The following BCAM variants were observed in gnomAD, a reference collection of about 807,000 sequenced individuals.
BCAM encodes the protein basal cell adhesion molecule (Lutheran blood group).
In BCAM, 61 loss-of-function variants were observed where a neutral mutation model predicts 72.4. The observed-to-expected ratio is 0.84, with a 90% CI of 0.69 to 1.04. BCAM has a LOEUF of 1.04. Among genes scored for constraint, BCAM ranks in the 50% least tolerant of loss-of-function variants. The probability of loss-of-function intolerance (pLI) is 0.00; values close to 1 mark genes in which losing one functional copy is unlikely to be tolerated. For synonymous variants in BCAM, 408 were observed against 384.2 expected, an observed-to-expected ratio of 1.06 and a Z score of -0.73; for missense variants, 909 against 895.0, an observed-to-expected ratio of 1.02 and a Z score of -0.20.
rs1167218041 is a variant in BCAM at position 44,813,416 on chromosome 19, C to T, written c.602-22C>T. 3.7e-6 allele frequency: 6 copies of T among 1,607,400 alleles called. No homozygotes were observed. Among genetic ancestry groups the T allele is most frequent in the Non-Finnish European group, 5.1e-6 (6 of 1,176,756 alleles). ...GCGGGGCTATGGCCTGGCTGACTGC[C>T]ACCTCCCCCGATCTCTCCCAGAGGG... On this transcript the variant is annotated intron_variant, in intron 5 of 14. Coordinates refer to ENST00000270233, the MANE Select transcript of BCAM (RefSeq NM_005581.5). This position sits in a 1 kb window ranked among gnomAD's most constrained non-coding sequence, Gnocchi z 4.2.
Position 44,812,548 on chromosome 19 carries a change from G to A in BCAM, c.504G>A (p.Glu168=). The A allele has an allele frequency of 6.2e-7, 1 of 1,614,162 alleles. No individual in the cohort carries two copies. Among genetic ancestry groups the A allele is most frequent in the Non-Finnish European group, 8.5e-7 (1 of 1,179,992 alleles). ...TLSVMEDSAQ[E]IATCNSRNGN... ...CTGTGATGGAGGACTCTGCCCAGGA[G>A]GTACCTCTCGGGTGGACCTTGGCCC... The change falls in exon 4 of 15, where the codon GAG becomes GAA. Residue 168 remains glutamate, a splice_region_variant and synonymous_variant. Coordinates refer to ENST00000270233, the MANE Select transcript of BCAM (RefSeq NM_005581.5). This position sits in a 1 kb window ranked among gnomAD's most constrained non-coding sequence, Gnocchi z 5.3.
chr19:44,819,262 C>T lies in BCAM; in HGVS notation c.1473+70C>T. On this transcript the variant is annotated intron_variant, in intron 11 of 14. Transcript: ENST00000270233. ...AAGTATCACACCCTCCTTTCCACTTCCTGGGAGACTGGACGTCGTTCACCT... is the reference window on the plus strand; with the variant it reads ...AAGTATCACACCCTCCTTTCCACTTTCTGGGAGACTGGACGTCGTTCACCT... 3 of 1,610,542 alleles carry T rather than the reference C, an allele frequency of 1.9e-6. No individual in the cohort carries two copies. In the Admixed American group the frequency reaches 5.0e-5, roughly 27 times the overall value.
chr19:44,813,589 G>A lies in BCAM; in HGVS notation c.753G>A (p.Leu251=). 5 of 1,612,572 alleles carry A rather than the reference G, an allele frequency of 3.1e-6. No homozygotes were observed. The highest frequency in any genetic ancestry group is 4.2e-6 in the Non-Finnish European group (5 of 1,179,864). ...TGCCCGAGGGCCGCCACGGCCGCCT[G>A]GACAGCCCCACCTTCCACCTCACCC... ...YSLPEGRHGR[L]DSPTFHLTLH... The change falls in exon 6 of 15, where the codon CTG becomes CTA. Residue 251 remains leucine, a synonymous_variant. Coordinates refer to ENST00000270233, the MANE Select transcript of BCAM (RefSeq NM_005581.5). The surrounding 1 kb of genome is among the most constrained non-coding windows in gnomAD (Gnocchi z 4.2).
At position 44,814,287 on chromosome 19, in the gene BCAM, A is replaced by G; in HGVS notation, c.920A>G (p.Gln307Arg). 1 of 1,593,882 alleles carries G rather than the reference A, an allele frequency of 6.3e-7. No individual in the cohort carries two copies. The highest frequency in any genetic ancestry group is 1.8e-5 in the Admixed American group (1 of 55,016). Residue 307 changes from glutamine to arginine, a missense_variant and splice_region_variant, in exon 7 of 15, where the codon CAG becomes CGG. By Grantham distance (43) the Gln-to-Arg change is conservative. Coordinates refer to ENST00000270233, the MANE Select transcript of BCAM (RefSeq NM_005581.5). The surrounding 1 kb of genome is among the most constrained non-coding windows in gnomAD (Gnocchi z 4.6). ...PSPEYTLFRL[Q>R]DEQEEVLNVN... Reference sequence around the variant, plus strand: ...CCGGAGTATACGCTTTTCCGCCTTCAGGTGACCCACCCAAGGGTCCCTCTG... The same window carrying G: ...CCGGAGTATACGCTTTTCCGCCTTCGGGTGACCCACCCAAGGGTCCCTCTG...
chr19:44,817,711 G>A (rs116144102), intron 8 of BCAM, among the ~76,000 whole-genome samples: 4,378 of 152,146 alleles, frequency 0.029, 84 homozygotes, highest in African/African-American at 0.043. Flanking sequence ...TGCCCAGCTA[G>A]CTTTTGGATT....
Position 44,812,488 on chromosome 19 carries a change from G to A in BCAM, c.444G>A (p.Glu148=). The A allele has an allele frequency of 6.2e-7, 1 of 1,614,238 alleles. No individual in the cohort carries two copies. Among genetic ancestry groups the A allele is most frequent in the Non-Finnish European group, 8.5e-7 (1 of 1,180,048 alleles). Residue 148 remains glutamate (E), a synonymous_variant, in exon 4 of 15, where the codon GAG becomes GAA. Coordinates refer to ENST00000270233, the MANE Select transcript of BCAM (RefSeq NM_005581.5). The surrounding 1 kb of genome is among the most constrained non-coding windows in gnomAD (Gnocchi z 5.3). ...TARLNVFAKP[E]ATEVSPNKGT... Reference sequence around the variant, plus strand: ...ACGTCTTTTTCACAGCAAAGCCAGAGGCCACTGAGGTCTCCCCCAACAAAG... The same window carrying A: ...ACGTCTTTTTCACAGCAAAGCCAGAAGCCACTGAGGTCTCCCCCAACAAAG...
intron 1 of BCAM, among the ~76,000 whole-genome samples, chr19:44,809,838 T>G (rs961784790): frequency 1.7e-5 from 2 of 119,162 alleles, no homozygotes; most frequent in Non-Finnish European, 1.6e-5. Flanking sequence ...CACACCTGCA[T>G]GAGGATAGAA....
At position 44,812,464 on chromosome 19, in the gene BCAM, C is replaced by A; in HGVS notation, c.434-14C>A. 1 of 1,614,216 alleles carries A rather than the reference C, an allele frequency of 6.2e-7. No homozygotes were observed. The highest frequency in any genetic ancestry group is 1.1e-5 in the South Asian group (1 of 91,084). ...GCAGGGCAGGGGCTCCTGACGTGAACGTCTTTTTCACAGCAAAGCCAGAGG... is the reference window on the plus strand; with the variant it reads ...GCAGGGCAGGGGCTCCTGACGTGAAAGTCTTTTTCACAGCAAAGCCAGAGG... On this transcript the variant is annotated splice_polypyrimidine_tract_variant and intron_variant, in intron 3 of 14. Coordinates refer to ENST00000270233, the MANE Select transcript of BCAM (RefSeq NM_005581.5). The surrounding 1 kb of genome is among the most constrained non-coding windows in gnomAD (Gnocchi z 5.3).
Position 44,813,898 on chromosome 19 carries a change from A to C in BCAM, c.785-254A>C, listed in dbSNP as rs1228301381. 6.6e-5 allele frequency among the ~76,000 whole-genome samples: 10 copies of C among 152,058 alleles called. No homozygotes were observed. In the East Asian group the frequency reaches 1.9e-3, roughly 29 times the overall value. ...TTCTCACACTGAATTGGGTCCCCCC[A>C]TGACATCTGGCTCCAAGTCTCACAC... On this transcript the variant is annotated intron_variant, in intron 6 of 14. Transcript: ENST00000270233. This position sits in a 1 kb window ranked among gnomAD's most constrained non-coding sequence, Gnocchi z 4.2.
rs748271046 is a variant in BCAM, at chr19:44,811,299, T to C, written c.157T>C (p.Cys53Arg). ...VMRGKSVILD[C>R]TPTGTHDHYM... The stretch of plus-strand genomic sequence containing the variant: ...GCGAGGAAAGTCTGTCATTCTGGAC[T>C]GCACCCCTACGGGAACCCACGACCA... Residue 53 changes from cysteine (C) to arginine (R), a missense_variant, in exon 2 of 15, where the codon TGC becomes CGC. Physicochemically the swap from Cys to Arg is radical, Grantham distance 180. Transcript: ENST00000270233. 1 of 1,613,608 alleles carries C rather than the reference T, an allele frequency of 6.2e-7. No homozygotes were observed. The highest frequency in any genetic ancestry group is 1.1e-5 in the South Asian group (1 of 91,066).
chr19:44,819,873 C>G, intron 13 of BCAM, 147 bp downstream of exon 13: 1 of 1,417,340 alleles, frequency 7.1e-7, no homozygotes, highest in Non-Finnish European at 9.2e-7. Context: ...ATCCTCATCC[C>G]CAACTACAGC....
Position 44,818,449 on chromosome 19 carries a change from C to A in BCAM, c.1079-73C>A. The A allele has an allele frequency of 8.0e-7, 1 of 1,247,262 alleles. No individual in the cohort carries two copies. The highest frequency in any genetic ancestry group is 1.2e-6 in the Non-Finnish European group (1 of 868,756). The allele number at this position is 1,247,262 out of a possible 1,614,324, so 77.3% of individuals were successfully genotyped here. Reference sequence around the variant, plus strand: ...AACTGTCCATTCATGTTTGCACCCCCGACCGCCCCTGGAGAGCCCCTAATT... The same window carrying A: ...AACTGTCCATTCATGTTTGCACCCCAGACCGCCCCTGGAGAGCCCCTAATT... On this transcript the variant is annotated intron_variant, in intron 8 of 14. Transcript: ENST00000270233. The surrounding 1 kb of genome is among the most constrained non-coding windows in gnomAD (Gnocchi z 4.6).
chr19:44,821,259 C>T lies in BCAM; in HGVS notation c.*338C>T, dbSNP rs7026. 0.41 allele frequency: 120,330 copies of T among 296,462 alleles called. 27,765 individuals carry two copies. Among genetic ancestry groups the T allele is most frequent in the African/African-American group, 0.71 (32,403 of 45,636 alleles). The allele number at this position is 296,462 out of a possible 1,614,324, so 18.4% of individuals were successfully genotyped here. ...GAGCTATTTTTACCTCCCGCCTCCC[C>T]TGCTGGTCCCCCCACCTGACGTCTT... is the stretch of plus-strand genomic sequence containing the variant. On this transcript the variant is annotated 3_prime_UTR_variant, in exon 15 of 15. Coordinates refer to ENST00000270233, the MANE Select transcript of BCAM (RefSeq NM_005581.5).
rs1260856348 is a variant in BCAM at position 44,819,690 on chromosome 19, G to T, written c.1727G>T (p.Gly576Val). The change falls in exon 13 of 15, where the codon GGC becomes GTC. Residue 576 changes from glycine to valine, a missense_variant. Gly to Val is a moderately radical substitution (Grantham distance 109). Transcript: ENST00000270233. ...AVFYCVRRKGGPCCRQRREKG... is the reference protein window; with the variant it reads ...AVFYCVRRKGVPCCRQRREKG... ...TTCTACTGCGTGAGACGCAAAGGGG[G>T]CCCCTGCTGCCGCCAGCGGCGGGAG... 1.9e-6 allele frequency: 3 copies of T among 1,611,670 alleles called. No individual in the cohort carries two copies. The highest frequency in any genetic ancestry group is 1.7e-6 in the Non-Finnish European group (2 of 1,178,810).
chr19:44,811,399 G>A lies in BCAM; in HGVS notation c.204+53G>A, dbSNP rs887109367. The A allele has an allele frequency of 4.4e-6, 7 of 1,607,812 alleles. No individual in the cohort carries two copies. The African/African-American group carries it at 8.0e-5, about 18-fold the overall frequency. ...AGTCAGGGCACAGCAGGGCAGCAAA[G>A]GTTCATTCTCTCATCAGTGCCTAAG... On this transcript the variant is annotated intron_variant, in intron 2 of 14. Coordinates refer to ENST00000270233, the MANE Select transcript of BCAM (RefSeq NM_005581.5).
chr19:44,818,642 G>A lies in BCAM; in HGVS notation c.1194+5G>A, dbSNP rs1016964617. On this transcript the variant is annotated splice_donor_5th_base_variant and intron_variant, in intron 9 of 14. Coordinates refer to ENST00000270233, the MANE Select transcript of BCAM (RefSeq NM_005581.5). This position sits in a 1 kb window ranked among gnomAD's most constrained non-coding sequence, Gnocchi z 4.6. ...CCTGCCCTACGCTGGACCAAGGTGA[G>A]AGGGAGAGGAGCCCCCTCGGGCCCT... The A allele has an allele frequency of 1.9e-6, 3 of 1,613,178 alleles. No homozygotes were observed. The highest frequency in any genetic ancestry group is 2.2e-5 in the East Asian group (1 of 44,838).
chr19:44,813,332 T>C lies in BCAM; in HGVS notation c.587T>C (p.Val196Ala). ...YRNGQRLEVPVEMNPEGYMTS... is the reference protein window; with the variant it reads ...YRNGQRLEVPAEMNPEGYMTS... Reference sequence around the variant, plus strand: ...AACGGGCAGCGCCTGGAGGTGCCCGTAGAGATGAACCCAGGTGAGCAGCGC... The same window carrying C: ...AACGGGCAGCGCCTGGAGGTGCCCGCAGAGATGAACCCAGGTGAGCAGCGC... The change falls in exon 5 of 15, where the codon GTA (valine) becomes GCA (alanine). Residue 196 changes from valine (V) to alanine (A), a missense_variant. Transcript: ENST00000270233. The surrounding 1 kb of genome is among the most constrained non-coding windows in gnomAD (Gnocchi z 4.2). The C allele has an allele frequency of 6.2e-7, 1 of 1,613,836 alleles. No homozygotes were observed. The highest frequency in any genetic ancestry group is 8.5e-7 in the Non-Finnish European group (1 of 1,179,928).
Position 44,820,907 on chromosome 19 carries a change from G to C in BCAM, c.1882-9G>C. The C allele has an allele frequency of 6.4e-7, 1 of 1,559,668 alleles. No individual in the cohort carries two copies. The highest frequency in any genetic ancestry group is 8.7e-7 in the Non-Finnish European group (1 of 1,152,804). ...TGGGCACAGGCTGACCTCTCCATCCGCTCCCCAGTGCTGAGCCAAGAACCT... is the reference window on the plus strand; with the variant it reads ...TGGGCACAGGCTGACCTCTCCATCCCCTCCCCAGTGCTGAGCCAAGAACCT... On this transcript the variant is annotated splice_polypyrimidine_tract_variant and intron_variant, in intron 14 of 14. Coordinates refer to ENST00000270233, the MANE Select transcript of BCAM (RefSeq NM_005581.5).
chr19:44,820,678 C>G, intron 13 of BCAM, 27 bp from the exon 14 acceptor site: 1 of 1,397,640 alleles, frequency 7.2e-7, no homozygotes, highest in East Asian at 2.7e-5. Context: ...CAACACGACG[C>G]CTCCGCCCGC....
Sources: allele counts gnomAD v4.1 joint callset (sites outside exome capture counted in the v4.1 genomes callset), GRCh38; gene constraint gnomAD v4.1.1; non-coding constraint Gnocchi (gnomAD v3.1); transcripts MANE v1.5; gene names NCBI Gene and HGNC (gene_info 2026-07-23, HGNC 2026-07-21).